Variants in PKD1L1 observed in about 807,000 individuals in gnomAD.
PKD1L1 encodes polycystin 1 like 1, transient receptor potential channel interacting.
In PKD1L1, 236 loss-of-function variants were observed where a neutral mutation model predicts 323.4. That is an observed-to-expected ratio of 0.73 (90% confidence interval 0.66 to 0.81). The LOEUF is 0.81. Ranked by LOEUF, PKD1L1 falls within the 40% of genes least tolerant of loss-of-function variation. The pLI is 0.00. For synonymous variants in PKD1L1, 1,344 were observed against 1,335.0 expected (o/e 1.01, Z -0.15); for missense variants, 3,320 against 3,508.0 (o/e 0.95, Z 1.35).
At chr7:47,948,360 A>C (rs781752767) in intron 1 of PKD1L1, 37 bp downstream of exon 1, 1 of 1,612,428 alleles carries the variant, frequency 6.2e-7, no homozygotes, top group East Asian at 2.2e-5. Flanking sequence ...CTTTAAAATC[A>C]AGCTTACCAA....
Position 47,905,879 on chromosome 7 carries a change from C to A in PKD1L1, c.1486G>T (p.Ala496Ser). The change falls in exon 10 of 57, where the codon GCT (alanine) becomes TCT (serine). Residue 496 changes from alanine to serine, a missense_variant. Ala to Ser is a moderately conservative substitution (Grantham distance 99). Coordinates refer to ENST00000289672, the MANE Select transcript of PKD1L1 (RefSeq NM_138295.5). ...TACCAGACAGTCATGCTGTGCCAAGCCTGGCTGTCACCCACTTGAGTCTGA... is the reference window on the plus strand; with the variant it reads ...TACCAGACAGTCATGCTGTGCCAAGACTGGCTGTCACCCACTTGAGTCTGA... ...ISQTQVGDSQ[A>S]WHSMTVWYKM... 2 of 1,613,506 alleles carry A rather than the reference C, an allele frequency of 1.2e-6. No homozygotes were observed. Among genetic ancestry groups the A allele is most frequent in the Non-Finnish European group, 8.5e-7 (1 of 1,179,918 alleles).
chr7:47,907,159 T>C (rs1787223032), intron 9 of PKD1L1, among the ~76,000 whole-genome samples: 1 of 150,866 alleles, frequency 6.6e-6, no homozygotes, highest in Non-Finnish European at 1.5e-5. Context: ...TCATAACTTC[T>C]TGGATGGAGA....
At position 47,904,367 on chromosome 7, in the gene PKD1L1, C is replaced by A; in HGVS notation, c.1931+11G>T. 1 of 1,613,938 alleles carries A rather than the reference C, an allele frequency of 6.2e-7. No individual in the cohort carries two copies. Among genetic ancestry groups the A allele is most frequent in the Non-Finnish European group, 8.5e-7 (1 of 1,179,954 alleles). ...CTGTAGAGAGCACTCCGCCGCCTTG[C>A]AGTGGCTCACCTACTGTAGACATGG... On this transcript the variant is annotated intron_variant, in intron 12 of 56. Coordinates refer to ENST00000289672, the MANE Select transcript of PKD1L1 (RefSeq NM_138295.5).
At chr7:47,931,034 A>G in intron 6 of PKD1L1, 70 bp downstream of exon 6, 2 of 1,439,140 alleles carry the variant, frequency 1.4e-6, no homozygotes, top group Non-Finnish European at 1.9e-6. Context: ...TCACTAACGG[A>G]TTGGGCATGG....
At chr7:47,934,928 C>T (rs1335306312) in intron 4 of PKD1L1, among the ~76,000 whole-genome samples, 1 of 152,148 alleles carries the variant, frequency 6.6e-6, no homozygotes, top group African/African-American at 2.4e-5. Flanking sequence ...GGATTTGTAA[C>T]CAGTGAGGGC....
At chr7:47,798,552 T>A (rs531932606) in intron 54 of PKD1L1, among the ~76,000 whole-genome samples, 34 of 152,114 alleles carry the variant, frequency 2.2e-4, no homozygotes, top group Admixed American at 1.8e-3. Flanking sequence ...GGTCAGGAGT[T>A]CGAGACCAGC....
rs116252717 is a variant in PKD1L1, at chr7:47,885,786, A to C, written c.3105T>G (p.Gly1035=). The part of the protein sequence containing the change: ...SAVLGEAPEE[G]SLDLEPGPQS... ...GTGGCCCTGGCTCTAGGTCTAGTGA[A>C]CCTTCCTCTGGAGCCTCCCCCAGGA... The change falls in exon 18 of 57, where the codon GGT becomes GGG. Residue 1035 remains glycine (G), a synonymous_variant. Transcript: ENST00000289672. 6.2e-7 allele frequency: 1 copy of C among 1,614,104 alleles called. No individual in the cohort carries two copies. Among genetic ancestry groups the C allele is most frequent in the East Asian group, 2.2e-5 (1 of 44,870 alleles).
intron 55 of PKD1L1, among the ~76,000 whole-genome samples, chr7:47,793,927 G>T (rs536003307): frequency 6.6e-6 from 1 of 152,312 alleles, no homozygotes; most frequent in Non-Finnish European, 1.5e-5. Flanking sequence ...GAGACTGGCA[G>T]CATTTTGCCC....
chr7:47,855,665 A>C (rs1461053449), intron 28 of PKD1L1, among the ~76,000 whole-genome samples: 1 of 139,142 alleles, frequency 7.2e-6, no homozygotes, highest in Non-Finnish European at 1.5e-5. Flanking sequence ...TCACGAGGTC[A>C]GGAGATCGAG....
intron 8 of PKD1L1, among the ~76,000 whole-genome samples, chr7:47,911,423 T>A (rs1787319873): frequency 1.3e-5 from 2 of 152,232 alleles, no homozygotes; most frequent in African/African-American, 4.8e-5. Context: ...TATTTCTTTA[T>A]AGCAATTGGA....
intron 17 of PKD1L1, 74 bp downstream of exon 17, chr7:47,887,916 A>G (rs1786718883): frequency 1.4e-6 from 2 of 1,449,968 alleles, no homozygotes; most frequent in Non-Finnish European, 1.9e-6. Context: ...TGTATTTTGC[A>G]ACATTTTAGC....
rs59600713 is a variant in PKD1L1, at chr7:47,946,500, A to AAC, written c.44+1895_44+1896dup. Among the ~76,000 whole-genome samples the AAC allele has an allele frequency of 0.49, 74,189 of 150,672 alleles. 18,736 individuals are homozygous for AAC. The highest frequency in any genetic ancestry group is 0.6 in the East Asian group (3,054 of 5,122). On this transcript the variant is annotated intron_variant, in intron 1 of 56. Coordinates refer to ENST00000289672, the MANE Select transcript of PKD1L1 (RefSeq NM_138295.5). The surrounding 1 kb of genome is among the most constrained non-coding windows in gnomAD (Gnocchi z 4.1). The stretch of plus-strand genomic sequence containing the variant: ...CACACCACACACCACGCACCACACA[A>AAC]ACACACCATACACACAAACACCACA...
chr7:47,784,150 A>G (rs1396192393), intron 56 of PKD1L1, among the ~76,000 whole-genome samples: 1 of 152,230 alleles, frequency 6.6e-6, no homozygotes, highest in South Asian at 2.1e-4. Context: ...AGCAGCCACA[A>G]AAACATTCCT....
chr7:47,777,952 G>A (rs1786605600), intron 56 of PKD1L1, among the ~76,000 whole-genome samples: 1 of 152,236 alleles, frequency 6.6e-6, no homozygotes, highest in Non-Finnish European at 1.5e-5. Context: ...AGGGGAGGTG[G>A]CGTCAGTGCC....
chr7:47,946,869 C>A lies in PKD1L1; in HGVS notation c.44+1528G>T, dbSNP rs775652129. 2.2e-5 allele frequency among the ~76,000 whole-genome samples: 3 copies of A among 138,782 alleles called. No individual in the cohort carries two copies. Among genetic ancestry groups the A allele is most frequent in the Non-Finnish European group, 4.4e-5 (3 of 67,936 alleles). The allele number at this position is 138,782 out of a possible 152,430, so 91.0% of individuals were successfully genotyped here. On this transcript the variant is annotated intron_variant, in intron 1 of 56. Transcript: ENST00000289672. The surrounding 1 kb of genome is among the most constrained non-coding windows in gnomAD (Gnocchi z 4.1). ...CTAGTGCGTGCATGAACTAGTTGGT[C>A]TGCAAGTACAAGATGTATAAATATA...
At chr7:47,885,633 G>A in intron 18 of PKD1L1, 53 bp downstream of exon 18, 1 of 1,554,386 alleles carries the variant, frequency 6.4e-7, no homozygotes, top group Non-Finnish European at 8.7e-7. Context: ...GCTTCCAAAG[G>A]TAACTTTGGT....
At chr7:47,793,216 T>G (rs1294820205) in intron 55 of PKD1L1, among the ~76,000 whole-genome samples, 1 of 152,114 alleles carries the variant, frequency 6.6e-6, no homozygotes, top group African/African-American at 2.4e-5. Context: ...CCTATCAAAA[T>G]GTACAGTACC....
intron 2 of PKD1L1, among the ~76,000 whole-genome samples, chr7:47,940,905 A>G (rs1787973445): frequency 6.6e-6 from 1 of 152,158 alleles, no homozygotes; most frequent in African/African-American, 2.4e-5. Flanking sequence ...TGTCTGTGAG[A>G]GCATCTGGAA....
chr7:47,869,598 C>A (rs1786237741), intron 24 of PKD1L1, among the ~76,000 whole-genome samples: 1 of 152,054 alleles, frequency 6.6e-6, no homozygotes. Context: ...ACAACAGGTT[C>A]CATATACATG....
Sources: allele counts gnomAD v4.1 joint callset (sites outside exome capture counted in the v4.1 genomes callset), GRCh38; gene constraint gnomAD v4.1.1; non-coding constraint Gnocchi (gnomAD v3.1); transcripts MANE v1.5; gene names NCBI Gene and HGNC (gene_info 2026-07-23, HGNC 2026-07-21).